Variants in XKR6 observed in about 807,000 individuals in gnomAD.
XKR6 encodes XK related 6, also known as XK-related protein 6.
A neutral mutation model predicts 56.7 loss-of-function variants in XKR6; 22 were observed. The ratio of observed to expected loss-of-function variants is 0.39; its 90% CI spans 0.28 to 0.55. XKR6 has a LOEUF of 0.55. XKR6 is among the 20% of genes least tolerant of loss of function. The probability of loss-of-function intolerance (pLI) is 0.66; values close to 1 mark genes in which losing one functional copy is unlikely to be tolerated. For missense variants in XKR6, 852 were observed against 889.0 expected, an observed-to-expected ratio of 0.96 and a Z score of 0.53; for synonymous variants, 524 against 387.8, an observed-to-expected ratio of 1.35 and a Z score of -4.13.
chr8:11,055,090 A>G (rs145219363), intron 1 of XKR6, among the ~76,000 whole-genome samples: 3 of 152,312 alleles, frequency 2.0e-5, no homozygotes, highest in Non-Finnish European at 2.9e-5. Flanking sequence ...CCCGACACTT[A>G]TTAAAATGGT....
At chr8:10,981,050 T>C (rs1289328539) in intron 1 of XKR6, among the ~76,000 whole-genome samples, 2 of 152,176 alleles carry the variant, frequency 1.3e-5, no homozygotes, top group Admixed American at 6.5e-5. Flanking sequence ...TAGCTGTAGA[T>C]GCTTTTTCCC....
chr8:11,161,218 G>C (rs765935676), intron 1 of XKR6, among the ~76,000 whole-genome samples: 2 of 152,116 alleles, frequency 1.3e-5, no homozygotes, highest in Admixed American at 1.3e-4. Context: ...AAACGCTTCC[G>C]AGTATCTCCC....
Position 10,924,750 on chromosome 8 carries a change from T to C in XKR6, c.845A>G (p.Tyr282Cys), listed in dbSNP as rs1293153959. ...CAGCATGTTGACGTCTGCATATTCA[T>C]ACATCATAGCCCAGTAGAAGCGTCG... ...HQRRFYWAMM[Y>C]EYADVNMLRL... The change falls in exon 2 of 3, where the codon TAT (tyrosine) becomes TGT (cysteine). Residue 282 changes from tyrosine to cysteine, a missense_variant. Physicochemically the swap from Tyr to Cys is radical, Grantham distance 194. This residue lies in a region of XKR6 where 199 missense variants were observed against 280.4 expected (regional missense o/e 0.71). Coordinates refer to ENST00000416569, the MANE Select transcript of XKR6 (RefSeq NM_173683.4). 1 of 1,613,940 alleles carries C rather than the reference T, an allele frequency of 6.2e-7. No homozygotes were observed. Among genetic ancestry groups the C allele is most frequent in the Non-Finnish European group, 8.5e-7 (1 of 1,180,020 alleles).
At chr8:10,976,710 G>A (rs1802573828) in intron 1 of XKR6, among the ~76,000 whole-genome samples, 1 of 152,070 alleles carries the variant, frequency 6.6e-6, no homozygotes, top group South Asian at 2.1e-4. Context: ...ACAAAGCCAT[G>A]GAAGTGGTTC....
Position 11,075,238 on chromosome 8 carries a change from C to T in XKR6, c.764+125338G>A, listed in dbSNP as rs866143066. ...CTCAGTGAGAAATCTGAGCCTAGTC[C>T]CCTTGATTGGTCTTACTCCGGAAGT... is the stretch of plus-strand genomic sequence containing the variant. On this transcript the variant is annotated intron_variant, in intron 1 of 2. Transcript: ENST00000416569. 6.3e-4 allele frequency among the ~76,000 whole-genome samples: 96 copies of T among 152,276 alleles called. No homozygotes were observed. The Middle Eastern group carries it at 0.01, about 16-fold the overall frequency.
chr8:11,051,461 C>G (rs1339365694), intron 1 of XKR6, among the ~76,000 whole-genome samples: 1 of 152,186 alleles, frequency 6.6e-6, no homozygotes, highest in Non-Finnish European at 1.5e-5. Flanking sequence ...AAACTGAACT[C>G]CTAAGTTTTC....
chr8:10,913,152 ATGTG>A (rs147764072), intron 2 of XKR6, among the ~76,000 whole-genome samples: 16 of 150,848 alleles, frequency 1.1e-4, no homozygotes, highest in African/African-American at 3.9e-4. Flanking sequence ...GTGTATGTAT[ATGTG>A]TGTGTGTGTG....
At chr8:10,966,297 G>T (rs774735834) in intron 1 of XKR6, among the ~76,000 whole-genome samples, 6 of 152,096 alleles carry the variant, frequency 3.9e-5, no homozygotes, top group Non-Finnish European at 8.8e-5. Flanking sequence ...ACCCTTGGGA[G>T]CCACTGGTGT....
chr8:11,085,369 AG>A (rs1170462330), intron 1 of XKR6, among the ~76,000 whole-genome samples: 2 of 152,142 alleles, frequency 1.3e-5, no homozygotes, highest in Admixed American at 6.5e-5. Context: ...GCTCTCAAGA[AG>A]CCCACATCCT....
chr8:11,112,591 T>C (rs1188211080), intron 1 of XKR6, among the ~76,000 whole-genome samples: 1 of 152,080 alleles, frequency 6.6e-6, no homozygotes, highest in Non-Finnish European at 1.5e-5. Flanking sequence ...CCACAGAAAA[T>C]CAAGAGTTCA....
At chr8:11,075,489 A>T (rs984027191) in intron 1 of XKR6, among the ~76,000 whole-genome samples, 7 of 151,944 alleles carry the variant, frequency 4.6e-5, no homozygotes, top group Non-Finnish European at 8.8e-5. Flanking sequence ...CATGACCCCT[A>T]CCCTAAGCAC....
At chr8:11,110,695 AAGAT>A (rs1382010882) in intron 1 of XKR6, among the ~76,000 whole-genome samples, 2 of 152,220 alleles carry the variant, frequency 1.3e-5, no homozygotes, top group Non-Finnish European at 2.9e-5. Context: ...GTAAGAAAAA[AAGAT>A]AGCCGCTCGA....
intron 1 of XKR6, among the ~76,000 whole-genome samples, chr8:11,118,485 A>C (rs1563149646): frequency 6.6e-6 from 1 of 152,108 alleles, no homozygotes; most frequent in African/African-American, 2.4e-5. Flanking sequence ...TCAATTTCAG[A>C]GCCTGTTATT....
chr8:11,044,213 G>A (rs146673497), intron 1 of XKR6, among the ~76,000 whole-genome samples: 5 of 152,256 alleles, frequency 3.3e-5, no homozygotes, highest in African/African-American at 9.6e-5. Context: ...ACCTTTTAAC[G>A]TACAGAACCT....
chr8:10,989,072 T>G (rs1797929592), intron 1 of XKR6, among the ~76,000 whole-genome samples: 1 of 152,050 alleles, frequency 6.6e-6, no homozygotes. Flanking sequence ...ACCACCTGGG[T>G]TAGGGGCCAA....
chr8:10,932,948 G>C (rs559103958), intron 1 of XKR6, among the ~76,000 whole-genome samples: 309 of 148,888 alleles, frequency 2.1e-3, no homozygotes, highest in African/African-American at 7.1e-3. Context: ...CCCAGTAATG[G>C]GATGCCTGGG....
At chr8:11,128,999 CTTG>C in intron 1 of XKR6, 1 of 456,400 alleles carries the variant, frequency 2.2e-6, no homozygotes, top group South Asian at 1.6e-5. Flanking sequence ...TCTGTTCTCT[CTTG>C]TTAACTGAGG....
chr8:10,959,802 A>G (rs56384685), intron 1 of XKR6, among the ~76,000 whole-genome samples: 11,534 of 152,210 alleles, frequency 0.076, 531 homozygotes, highest in Middle Eastern at 0.12. Context: ...AACAGACACC[A>G]CCTTGCGCCC....
chr8:11,099,238 C>T (rs973890814), intron 1 of XKR6, among the ~76,000 whole-genome samples: 1 of 152,324 alleles, frequency 6.6e-6, no homozygotes, highest in African/African-American at 2.4e-5. Flanking sequence ...AAAGTCACAT[C>T]GAAAATCTGG....
Sources: gnomAD v4.1 joint callset for allele counts (sites outside exome capture counted in the v4.1 genomes callset) on GRCh38, gnomAD v4.1.1 for gene constraint, gnomAD v4.1.1 regional missense constraint, MANE v1.5 for transcripts, NCBI Gene and HGNC (gene_info 2026-07-23, HGNC 2026-07-21) for gene names.